The following KIAA1671 variants were observed in gnomAD, a reference collection of about 807,000 sequenced individuals.
The protein encoded by KIAA1671 is uncharacterized protein KIAA1671.
In KIAA1671, 52 loss-of-function variants were observed where a neutral mutation model predicts 131.2. The observed-to-expected ratio is 0.40, with a 90% CI of 0.32 to 0.50. The LOEUF is 0.50. Among genes scored for constraint, KIAA1671 ranks in the 20% least tolerant of loss-of-function variants. The pLI is 0.73. For synonymous variants in KIAA1671, 1,003 were observed against 961.6 expected (o/e 1.04, Z -0.80); for missense variants, 2,360 against 2,364.2 (o/e 1.00, Z 0.04).
chr22:25,097,738 A>T (rs1413505200), intron 6 of KIAA1671, among the ~76,000 whole-genome samples: 1 of 149,140 alleles, frequency 6.7e-6, no homozygotes, highest in East Asian at 2.0e-4. Flanking sequence ...AGACTCCATA[A>T]AAAAAAAAAA....
chr22:24,962,133 C>A (rs1204726125), intron 1 of KIAA1671, among the ~76,000 whole-genome samples: 1 of 152,198 alleles, frequency 6.6e-6, no homozygotes, highest in African/African-American at 2.4e-5. Context: ...AGCTGGCTTA[C>A]AATCCCCTGA....
chr22:25,093,802 CTCTCTCTCTG>C lies in KIAA1671; in HGVS notation c.4530+44448_4530+44457del, dbSNP rs1568951379. Among the ~76,000 whole-genome samples, 43 of 141,218 alleles carry C rather than the reference CTCTCTCTCTG, an allele frequency of 3.0e-4. 4 individuals are homozygous for C. Among genetic ancestry groups the C allele is most frequent in the Non-Finnish European group, 4.1e-4 (26 of 64,020 alleles). 92.6% of individuals were successfully genotyped at this position (141,218 alleles called of 152,430 possible). A position where few individuals can be genotyped will look rare whatever the true frequency, so the allele number is the denominator to read the frequency against. On this transcript the variant is annotated intron_variant, in intron 6 of 12. Transcript: ENST00000358431. Reference sequence around the variant, plus strand: ...TCTCTCTCTCTCTCTCTCTCTCTCTCTCTCTCTCTGTCTCTCTCTCTTTCTCTCTCTGTCT... The same window carrying C: ...TCTCTCTCTCTCTCTCTCTCTCTCTCTCTCTCTCTCTTTCTCTCTCTGTCT...
intron 1 of KIAA1671, among the ~76,000 whole-genome samples, chr22:25,015,799 C>T (rs1348519866): frequency 6.6e-6 from 1 of 151,738 alleles, no homozygotes; most frequent in Non-Finnish European, 1.5e-5. Flanking sequence ...AAGCTGTTCC[C>T]CTGGATCCCA....
chr22:24,979,506 C>T (rs548515691), intron 1 of KIAA1671, among the ~76,000 whole-genome samples: 3 of 151,598 alleles, frequency 2.0e-5, no homozygotes, highest in South Asian at 4.2e-4. Flanking sequence ...CCTGCCACCG[C>T]GCCCGGCTAA....
At chr22:25,045,000 A>T (rs1417361294) in intron 5 of KIAA1671, among the ~76,000 whole-genome samples, 1 of 151,304 alleles carries the variant, frequency 6.6e-6, no homozygotes, top group East Asian at 1.9e-4. Flanking sequence ...CTCTACTAAA[A>T]CTACAAAAAA....
chr22:25,042,760 A>G (rs1927015654), intron 5 of KIAA1671, among the ~76,000 whole-genome samples: 1 of 151,962 alleles, frequency 6.6e-6, no homozygotes, highest in Non-Finnish European at 1.5e-5. Flanking sequence ...GGCGCGAGCC[A>G]CTGCGCCCGG....
At chr22:24,970,178 A>G (rs1922523978) in intron 1 of KIAA1671, among the ~76,000 whole-genome samples, 1 of 152,134 alleles carries the variant, frequency 6.6e-6, no homozygotes, top group Admixed American at 6.5e-5. Flanking sequence ...TGAGCTCACC[A>G]AGAACCCTTC....
At chr22:24,974,643 C>T (rs1442731964) in intron 1 of KIAA1671, among the ~76,000 whole-genome samples, 1 of 150,002 alleles carries the variant, frequency 6.7e-6, no homozygotes, top group Non-Finnish European at 1.5e-5. Flanking sequence ...TTTTCCAGTA[C>T]AGCCTTATTG....
chr22:24,987,663 G>A (rs1923624605), intron 1 of KIAA1671, among the ~76,000 whole-genome samples: 1 of 152,080 alleles, frequency 6.6e-6, no homozygotes, highest in Non-Finnish European at 1.5e-5. Context: ...TAGAGGTGGG[G>A]TCTTGCTGTA....
At chr22:25,076,606 G>C (rs940202895) in intron 6 of KIAA1671, among the ~76,000 whole-genome samples, 1 of 152,226 alleles carries the variant, frequency 6.6e-6, no homozygotes, top group Non-Finnish European at 1.5e-5. Context: ...ATAGCTGAGG[G>C]CTACAGCCTC....
At chr22:25,183,535 T>C (rs1934366300) in intron 10 of KIAA1671, among the ~76,000 whole-genome samples, 1 of 148,092 alleles carries the variant, frequency 6.8e-6, no homozygotes, top group Admixed American at 6.8e-5. Flanking sequence ...CCTTCCTTCT[T>C]CTTTTTTTGT....
At chr22:24,983,774 ATT>A (rs1164602658) in intron 1 of KIAA1671, among the ~76,000 whole-genome samples, 144 of 116,700 alleles carry the variant, frequency 1.2e-3, no homozygotes, top group African/African-American at 4.5e-3. Flanking sequence ...GGTGTTTGGA[ATT>A]TTTTTTTTTT....
intron 1 of KIAA1671, among the ~76,000 whole-genome samples, chr22:25,024,843 TGTC>T (rs1925848263): frequency 6.6e-6 from 1 of 152,036 alleles, no homozygotes; most frequent in African/African-American, 2.4e-5. Flanking sequence ...TGAAGGATGA[TGTC>T]GTATTAAATG....
chr22:25,111,407 G>T (rs1200876357), intron 6 of KIAA1671, among the ~76,000 whole-genome samples: 2 of 152,218 alleles, frequency 1.3e-5, no homozygotes, highest in Non-Finnish European at 2.9e-5. Flanking sequence ...CAGCTCCCTG[G>T]GCGGCCGCCG....
Position 25,039,806 on chromosome 22 carries a change from T to A in KIAA1671, c.2676T>A (p.Asn892Lys). The part of the protein sequence containing the change: ...CPLDPLSRAT[N>K]GPSDSQARTH... ...TCGATCCTCTTTCCAGGGCTACGAATGGGCCTTCTGACTCCCAAGCACGAA... is the reference window on the plus strand; with the variant it reads ...TCGATCCTCTTTCCAGGGCTACGAAAGGGCCTTCTGACTCCCAAGCACGAA... Residue 892 changes from asparagine to lysine, a missense_variant, in exon 5 of 13, where the codon AAT (asparagine) becomes AAA (lysine). Transcript: ENST00000358431. 6.6e-7 allele frequency: 1 copy of A among 1,523,386 alleles called. No homozygotes were observed. The highest frequency in any genetic ancestry group is 8.8e-7 in the Non-Finnish European group (1 of 1,130,996). 94.4% of individuals were successfully genotyped at this position (1,523,386 alleles called of 1,614,324 possible).
chr22:25,142,209 G>A (rs1270186401), intron 6 of KIAA1671, among the ~76,000 whole-genome samples: 2 of 152,160 alleles, frequency 1.3e-5, no homozygotes, highest in Admixed American at 6.5e-5. Flanking sequence ...GCAGCCTCTG[G>A]TTGCCTAGCA....
intron 3 of KIAA1671, among the ~76,000 whole-genome samples, chr22:25,032,365 T>C (rs1926340595): frequency 6.6e-6 from 1 of 152,020 alleles, no homozygotes; most frequent in Non-Finnish European, 1.5e-5. Context: ...TAAACCAAGC[T>C]CCCCCAGTGA....
Position 25,036,327 on chromosome 22 carries a change from G to A in KIAA1671, c.1630-2433G>A, listed in dbSNP as rs888009583. ...ACTCCCGACCTCAGGTGATCCACCCGCCTCGGCCTCCCAAAGTGCTGAGAT... is the reference window on the plus strand; with the variant it reads ...ACTCCCGACCTCAGGTGATCCACCCACCTCGGCCTCCCAAAGTGCTGAGAT... On this transcript the variant is annotated intron_variant, in intron 4 of 12. Transcript: ENST00000358431. Among the ~76,000 whole-genome samples the A allele has an allele frequency of 2.1e-4, 32 of 152,006 alleles. No homozygotes were observed. In the East Asian group the frequency reaches 5.9e-3, roughly 28 times the overall value.
At chr22:25,000,210 T>TTTTTAAATGTAGCTTTCGATG (rs1212155222) in intron 1 of KIAA1671, among the ~76,000 whole-genome samples, 1 of 73,034 alleles carries the variant, frequency 1.4e-5, no homozygotes, top group Non-Finnish European at 3.1e-5. Context: ...TTTTTTTTTT[T>TTTTTAAATGTAGCTTTCGATG]TGAGACGGAG....
Sources: gnomAD v4.1 joint callset for allele counts (sites outside exome capture counted in the v4.1 genomes callset) on GRCh38, gnomAD v4.1.1 for gene constraint, MANE v1.5 for transcripts, NCBI Gene and HGNC (gene_info 2026-07-23, HGNC 2026-07-21) for gene names.